RAB22A: variants seen among roughly 807,000 people sequenced by gnomAD.
RAB22A encodes the protein ras-related protein Rab-22A.
RAB22A carries 13 observed loss-of-function variants against 30.2 expected under a neutral mutation model. The ratio of observed to expected loss-of-function variants is 0.43; its 90% confidence interval spans 0.28 to 0.68. The LOEUF (loss-of-function observed/expected upper bound fraction) is 0.68, where lower values mean the gene tolerates loss of function less well. Among genes scored for constraint, RAB22A ranks in the 30% least tolerant of loss-of-function variants. The pLI is 0.18. For synonymous variants in RAB22A, 89 were observed against 87.2 expected, an observed-to-expected ratio of 1.02 and a Z score of -0.11; for missense variants, 177 against 246.8, an observed-to-expected ratio of 0.72 and a Z score of 1.89.
intron 1 of RAB22A, among the ~76,000 whole-genome samples, chr20:58,310,575 A>G (rs929800394): frequency 1.3e-5 from 2 of 152,212 alleles, no homozygotes; most frequent in Non-Finnish European, 2.9e-5. Context: ...TTGTCAGGAA[A>G]GACAAGGTGT....
At chr20:58,314,021 G>T (rs1279865255) in intron 2 of RAB22A, among the ~76,000 whole-genome samples, 1 of 151,578 alleles carries the variant, frequency 6.6e-6, no homozygotes, top group Non-Finnish European at 1.5e-5. Flanking sequence ...GCTACATTAT[G>T]ACTAGTGTAC....
intron 2 of RAB22A, among the ~76,000 whole-genome samples, chr20:58,323,277 T>A (rs1007231897): frequency 5.9e-5 from 9 of 152,208 alleles, no homozygotes; most frequent in Non-Finnish European, 1.0e-4. Flanking sequence ...TCTTTTTATT[T>A]GTTGATTATA....
chr20:58,315,889 A>G (rs573458285), intron 2 of RAB22A, among the ~76,000 whole-genome samples: 1 of 152,192 alleles, frequency 6.6e-6, no homozygotes, highest in African/African-American at 2.4e-5. Flanking sequence ...TGTGAGCTTC[A>G]TTAAAGACAA....
rs145728631 is a variant in RAB22A at position 58,337,623 on chromosome 20, G to A, written c.117-6095G>A. ...GTAAGCCACTTGAGGGCTGTGATGG[G>A]CTCTTTCTCACCTTGCCTGCCTGGT... On this transcript the variant is annotated intron_variant, in intron 2 of 6. Transcript: ENST00000244040. Among the ~76,000 whole-genome samples the A allele has an allele frequency of 6.2e-3, 950 of 152,278 alleles. 17 individuals are homozygous for A. The highest frequency in any genetic ancestry group is 0.022 in the African/African-American group (906 of 41,556).
At chr20:58,333,580 A>G (rs898670521) in intron 2 of RAB22A, among the ~76,000 whole-genome samples, 2 of 152,226 alleles carry the variant, frequency 1.3e-5, no homozygotes, top group Non-Finnish European at 2.9e-5. Flanking sequence ...ACAGGAGCAC[A>G]ATGGATGGGA....
At position 58,353,353 on chromosome 20, in the gene RAB22A, A is replaced by G. The variant is rs372084485; in HGVS notation, c.270+9A>G. On this transcript the variant is annotated intron_variant, in intron 4 of 6. Transcript: ENST00000244040. ...ATGATATCACAAAAGAAGTAAGACT[A>G]TATAGTTTTCTTTAGATTGTTTTGA... is the stretch of plus-strand genomic sequence containing the variant. 6.2e-6 allele frequency: 10 copies of G among 1,612,650 alleles called. No homozygotes were observed. Among genetic ancestry groups the G allele is most frequent in the Admixed American group, 3.3e-5 (2 of 59,950 alleles).
At chr20:58,346,800 A>G (rs1359169348) in intron 3 of RAB22A, among the ~76,000 whole-genome samples, 1 of 152,208 alleles carries the variant, frequency 6.6e-6, no homozygotes, top group Non-Finnish European at 1.5e-5. Context: ...GGTTGGATGA[A>G]TCAGCAAATA....
In RAB22A at chr20:58,362,345, G is replaced by A. The variant is rs1409040932; in HGVS notation, c.*2642G>A. ...TGGATTATTAAGCTGACTAAGCAAT[G>A]ATCTAATACACATTTCATATTTTCT... On this transcript the variant is annotated 3_prime_UTR_variant, in exon 7 of 7. Coordinates refer to ENST00000244040, the MANE Select transcript of RAB22A (RefSeq NM_020673.3). 1 of 152,130 alleles carries A rather than the reference G, an allele frequency of 6.6e-6. No homozygotes were observed. Among genetic ancestry groups the A allele is most frequent in the African/African-American group, 2.4e-5 (1 of 41,420 alleles). 9.4% of individuals were successfully genotyped at this position (152,130 alleles called of 1,614,324 possible). A position where few individuals can be genotyped will look rare whatever the true frequency, so the allele number is the denominator to read the frequency against.
chr20:58,316,456 CT>C (rs1986341768), intron 2 of RAB22A, among the ~76,000 whole-genome samples: 1 of 152,122 alleles, frequency 6.6e-6, no homozygotes, highest in African/African-American at 2.4e-5. Flanking sequence ...AAAGCTGAGG[CT>C]TTTTTTCAGA....
intron 2 of RAB22A, among the ~76,000 whole-genome samples, chr20:58,331,658 CT>C (rs898974839): frequency 4.0e-5 from 6 of 149,070 alleles, no homozygotes; most frequent in Admixed American, 6.7e-5. Flanking sequence ...ATTATCTTGA[CT>C]TTTTTTTTTA....
intron 6 of RAB22A, among the ~76,000 whole-genome samples, chr20:58,359,015 T>G (rs1987179656): frequency 6.6e-6 from 1 of 152,192 alleles, no homozygotes; most frequent in Non-Finnish European, 1.5e-5. Context: ...CTTTATTTCT[T>G]GCCCCATTTG....
chr20:58,355,453 C>T (rs140158909), intron 6 of RAB22A, among the ~76,000 whole-genome samples: 184 of 152,240 alleles, frequency 1.2e-3, no homozygotes, highest in Middle Eastern at 3.4e-3. Context: ...CTAAGGAGCC[C>T]ATCTGCTGCC....
In RAB22A at chr20:58,359,854, C is replaced by A; in HGVS notation, c.*151C>A. On this transcript the variant is annotated 3_prime_UTR_variant, in exon 7 of 7. Coordinates refer to ENST00000244040, the MANE Select transcript of RAB22A (RefSeq NM_020673.3). The stretch of plus-strand genomic sequence containing the variant: ...ACAGAAATGGACCAGTTCTGTTCTC[C>A]AAAGACTGCAGCAATGATATTTCAG... 1.8e-6 allele frequency: 1 copy of A among 550,758 alleles called. No individual in the cohort carries two copies. Among genetic ancestry groups the A allele is most frequent in the East Asian group, 3.2e-5 (1 of 30,798 alleles). The allele number at this position is 550,758 out of a possible 1,614,324, so 34.1% of individuals were successfully genotyped here. A position where few individuals can be genotyped will look rare whatever the true frequency, so the allele number is the denominator to read the frequency against.
At chr20:58,344,770 TGGA>T (rs1311964009) in intron 3 of RAB22A, among the ~76,000 whole-genome samples, 2 of 152,172 alleles carry the variant, frequency 1.3e-5, no homozygotes, top group Non-Finnish European at 2.9e-5. Flanking sequence ...CACAGACAAA[TGGA>T]GGAAAACAAA....
intron 2 of RAB22A, among the ~76,000 whole-genome samples, chr20:58,314,381 AC>A (rs1183815060): frequency 6.6e-6 from 1 of 152,118 alleles, no homozygotes; most frequent in African/African-American, 2.4e-5. Context: ...GATTTATTCA[AC>A]CCTTTTCTGT....
At chr20:58,328,320 T>G (rs1356512589) in intron 2 of RAB22A, among the ~76,000 whole-genome samples, 1 of 152,154 alleles carries the variant, frequency 6.6e-6, no homozygotes, top group Non-Finnish European at 1.5e-5. Flanking sequence ...TAGCTAAGAC[T>G]ACAGGTGCAC....
At chr20:58,332,532 T>C (rs955485947) in intron 2 of RAB22A, among the ~76,000 whole-genome samples, 2 of 152,164 alleles carry the variant, frequency 1.3e-5, no homozygotes, top group Admixed American at 1.3e-4. Context: ...TCTTATAAAA[T>C]GTCCATATAA....
intron 1 of RAB22A, 68 bp from the exon 2 acceptor site, chr20:58,310,975 A>G: frequency 7.8e-7 from 1 of 1,290,170 alleles, no homozygotes. Flanking sequence ...AACTTATGCC[A>G]CAAAGTAGTT....
In RAB22A at chr20:58,324,125, A is replaced by G. The variant is rs148279667; in HGVS notation, c.116+13003A>G. On this transcript the variant is annotated intron_variant, in intron 2 of 6. Coordinates refer to ENST00000244040, the MANE Select transcript of RAB22A (RefSeq NM_020673.3). ...TGGTTGAGAAACTTCTGTGGAAGAG[A>G]CTGTATAAAATTGCTCTTATTCCTT... Among the ~76,000 whole-genome samples the G allele has an allele frequency of 2.6e-5, 4 of 152,116 alleles. No individual in the cohort carries two copies. In the East Asian group the frequency reaches 5.8e-4, roughly 22 times the overall value.
Sources: gnomAD v4.1 joint callset for allele counts (sites outside exome capture counted in the v4.1 genomes callset) on GRCh38, gnomAD v4.1.1 for gene constraint, MANE v1.5 for transcripts, NCBI Gene and HGNC (gene_info 2026-07-23, HGNC 2026-07-21) for gene names.